Variants in GCFC2 observed in about 807,000 individuals in gnomAD.
GCFC2 encodes GC-rich sequence DNA-binding factor 2.
In GCFC2, 102 loss-of-function variants were observed where a neutral mutation model predicts 99.4. The ratio of observed to expected loss-of-function variants is 1.03; its 90% CI spans 0.87 to 1.21. The LOEUF (loss-of-function observed/expected upper bound fraction) is 1.21, where lower values mean the gene tolerates loss of function less well. Ranked by LOEUF, GCFC2 falls within the 50% of genes most tolerant of loss-of-function variation. The probability of loss-of-function intolerance (pLI) is 0.00; values close to 1 mark genes in which losing one functional copy is unlikely to be tolerated. For missense variants in GCFC2, 973 were observed against 920.9 expected, an observed-to-expected ratio of 1.06 and a Z score of -0.73; for synonymous variants, 338 against 316.8, an observed-to-expected ratio of 1.07 and a Z score of -0.71.
In GCFC2 at chr2:75,680,180, T is replaced by C. The variant is rs1273838794; in HGVS notation, c.1812+13A>G. 4 of 1,589,278 alleles carry C rather than the reference T, an allele frequency of 2.5e-6. No individual in the cohort carries two copies. In the Admixed American group the frequency reaches 5.0e-5, roughly 20 times the overall value. ...AGATAGATCATGGAGTTCGCAACTC[T>C]AGAAATTATTACCTGTCTGCTTTTA... On this transcript the variant is annotated intron_variant, in intron 12 of 16. Coordinates refer to ENST00000321027, the MANE Select transcript of GCFC2 (RefSeq NM_003203.5).
At chr2:75,684,823 T>TA (rs1679740047) in intron 11 of GCFC2, among the ~76,000 whole-genome samples, 1 of 152,148 alleles carries the variant, frequency 6.6e-6, no homozygotes, top group African/African-American at 2.4e-5. Context: ...CCATCAATGA[T>TA]AGACTGGATT....
chr2:75,671,050 C>T (rs1260172460), intron 14 of GCFC2, among the ~76,000 whole-genome samples: 1 of 152,156 alleles, frequency 6.6e-6, no homozygotes, highest in East Asian at 1.9e-4. Context: ...TTGTCAAATC[C>T]AATAAACAGT....
At chr2:75,681,942 A>C (rs1558737712) in intron 11 of GCFC2, among the ~76,000 whole-genome samples, 1 of 151,922 alleles carries the variant, frequency 6.6e-6, no homozygotes, top group Non-Finnish European at 1.5e-5. Flanking sequence ...CAGCAGCCCC[A>C]GTCAGGGACT....
intron 15 of GCFC2, among the ~76,000 whole-genome samples, chr2:75,668,528 T>C (rs2104195528): frequency 6.6e-6 from 1 of 152,276 alleles, no homozygotes; most frequent in East Asian, 1.9e-4. Context: ...CTGGGAACAG[T>C]TTAGTGTGTA....
At chr2:75,685,994 T>C (rs1244163368) in intron 11 of GCFC2, among the ~76,000 whole-genome samples, 3 of 152,198 alleles carry the variant, frequency 2.0e-5, no homozygotes, top group Non-Finnish European at 4.4e-5. Flanking sequence ...ACCAATCCAT[T>C]AGCACATTCT....
At chr2:75,679,264 T>G (rs1206535560) in intron 12 of GCFC2, among the ~76,000 whole-genome samples, 1 of 152,188 alleles carries the variant, frequency 6.6e-6, no homozygotes, top group Non-Finnish European at 1.5e-5. Context: ...GGGCTAAAAC[T>G]TAATGGTGCT....
At chr2:75,688,974 T>A (rs754038041) in intron 10 of GCFC2, 52 bp downstream of exon 10, 5 of 1,006,078 alleles carry the variant, frequency 5.0e-6, no homozygotes, top group Non-Finnish European at 4.6e-6. Flanking sequence ...AGTAAGGGAA[T>A]TTAAGCAACT....
intron 12 of GCFC2, 103 bp from the exon 13 acceptor site, chr2:75,673,623 A>C (rs1396420082): frequency 3.1e-6 from 2 of 640,540 alleles, no homozygotes; most frequent in Non-Finnish European, 5.7e-6. Context: ...ACACTCACAT[A>C]ACCAGCTGTT....
Position 75,703,016 on chromosome 2 carries a change from G to A in GCFC2, c.395-593C>T, listed in dbSNP as rs58932573. ...GAATAAACATGAGACATTAAGAAGT[G>A]TAAAGAAAATAATCAGGCTCATTTA... On this transcript the variant is annotated intron_variant, in intron 2 of 16. Coordinates refer to ENST00000321027, the MANE Select transcript of GCFC2 (RefSeq NM_003203.5). Among the ~76,000 whole-genome samples the A allele has an allele frequency of 5.0e-3, 761 of 152,240 alleles. 4 individuals carry two copies. Among genetic ancestry groups the A allele is most frequent in the African/African-American group, 0.018 (736 of 41,544 alleles).
chr2:75,690,049 C>G lies in GCFC2; in HGVS notation c.1259G>C (p.Gly420Ala). The G allele has an allele frequency of 6.2e-7, 1 of 1,606,570 alleles. No individual in the cohort carries two copies. Among genetic ancestry groups the G allele is most frequent in the Non-Finnish European group, 8.5e-7 (1 of 1,175,544 alleles). Residue 420 changes from glycine to alanine, a missense_variant, in exon 9 of 17, where the codon GGG becomes GCG. By Grantham distance (60) the Gly-to-Ala change is moderately conservative (BLOSUM62 0). Transcript: ENST00000321027. ...TKRRQARVLS[G>A]NCNHQEGTSS... The stretch of plus-strand genomic sequence containing the variant: ...TGTTCCTTCCTGATGGTTACAATTC[C>G]CAGAAAGCACCCTTGCTTGTCTTCT...
intron 15 of GCFC2, among the ~76,000 whole-genome samples, chr2:75,669,672 C>G (rs1017069913): frequency 6.6e-6 from 1 of 152,114 alleles, no homozygotes; most frequent in Non-Finnish European, 1.5e-5. Flanking sequence ...TATTTCAAAC[C>G]AGTATACTCT....
At chr2:75,682,595 T>C (rs1002467283) in intron 11 of GCFC2, among the ~76,000 whole-genome samples, 1 of 151,810 alleles carries the variant, frequency 6.6e-6, no homozygotes, top group Non-Finnish European at 1.5e-5. Context: ...GAGAATGAGT[T>C]TGACGAAGTG....
intron 3 of GCFC2, chr2:75,701,925 GA>G (rs1195746795): frequency 1.3e-5 from 15 of 1,178,810 alleles, no homozygotes; most frequent in Non-Finnish European, 1.6e-5. Flanking sequence ...TCAATGCTTT[GA>G]AAGTAAGATA....
chr2:75,676,983 A>G (rs1679370786), intron 12 of GCFC2, among the ~76,000 whole-genome samples: 1 of 152,226 alleles, frequency 6.6e-6, no homozygotes, highest in Non-Finnish European at 1.5e-5. Context: ...GAAGATATCT[A>G]ATACTAACAG....
intron 4 of GCFC2, among the ~76,000 whole-genome samples, chr2:75,698,200 C>T (rs189055861): frequency 3.8e-4 from 58 of 152,164 alleles, no homozygotes; most frequent in African/African-American, 1.3e-3. Context: ...ATGATATTGG[C>T]GACATTACAG....
intron 1 of GCFC2, among the ~76,000 whole-genome samples, chr2:75,708,556 G>A (rs1680975759): frequency 1.5e-5 from 2 of 131,474 alleles, no homozygotes; most frequent in South Asian, 5.0e-4. Context: ...CTGTCACCCA[G>A]GCTAGAGTGT....
At chr2:75,705,616 C>CAAAAAAAA (rs34447327) in intron 2 of GCFC2, among the ~76,000 whole-genome samples, 48 of 84,208 alleles carry the variant, frequency 5.7e-4, no homozygotes, top group Non-Finnish European at 9.0e-4. Flanking sequence ...GACTCCATCT[C>CAAAAAAAA]AAAAAAAAAA....
intron 1 of GCFC2, among the ~76,000 whole-genome samples, chr2:75,706,979 AAAAG>A (rs1680900842): frequency 6.6e-6 from 1 of 152,216 alleles, no homozygotes; most frequent in African/African-American, 2.4e-5. Flanking sequence ...GAATAAGTAG[AAAAG>A]AAAAATATTT....
At position 75,707,958 on chromosome 2, in the gene GCFC2, CAT is replaced by C. The variant is rs144075713; in HGVS notation, c.266-1309_266-1308del. Among the ~76,000 whole-genome samples the C allele has an allele frequency of 4.0e-3, 605 of 152,292 alleles. 5 individuals carry two copies. The highest frequency in any genetic ancestry group is 0.013 in the African/African-American group (553 of 41,550). On this transcript the variant is annotated intron_variant, in intron 1 of 16. Transcript: ENST00000321027. Reference sequence around the variant, plus strand: ...TATTAAATTTTGACCCTTGAGTACACATGTTTAATATTCTTTGTGACAAAATC... The same window carrying C: ...TATTAAATTTTGACCCTTGAGTACACGTTTAATATTCTTTGTGACAAAATC...
Sources: gnomAD v4.1 joint callset for allele counts (sites outside exome capture counted in the v4.1 genomes callset) on GRCh38, gnomAD v4.1.1 for gene constraint, MANE v1.5 for transcripts, NCBI Gene and HGNC (gene_info 2026-07-23, HGNC 2026-07-21) for gene names.